ABTB3: variants seen among roughly 807,000 people sequenced by gnomAD.
ABTB3 encodes the protein ankyrin repeat- and BTB/POZ domain-containing protein 3.
chr12:107,321,843 C>T, the ABTB3 span, among the ~76,000 whole-genome samples: 1 of 152,148 alleles, frequency 6.6e-6, no homozygotes, highest in Non-Finnish European at 1.5e-5. Context: ...CTTTGCTGCC[C>T]CTGACTCCCA....
the ABTB3 span, among the ~76,000 whole-genome samples, chr12:107,437,049 G>A: frequency 5.9e-5 from 9 of 152,154 alleles, no homozygotes; most frequent in Admixed American, 3.9e-4. Flanking sequence ...TGAACTCCTA[G>A]GGGCCCATGG....
chr12:107,644,737 A>G, the ABTB3 span, among the ~76,000 whole-genome samples: 2 of 151,946 alleles, frequency 1.3e-5, no homozygotes, highest in Middle Eastern at 3.2e-3. Flanking sequence ...CCCACCCTTT[A>G]CCCTCAAGCA....
At chr12:107,319,777 T>A in the ABTB3 span, 1 of 1,458,946 alleles carries the variant, frequency 6.9e-7, no homozygotes, top group Non-Finnish European at 9.1e-7. Context: ...CGGGCCCTGG[T>A]GCGGCCCCCG....
chr12:107,494,346 C>T, the ABTB3 span, among the ~76,000 whole-genome samples: 11 of 152,248 alleles, frequency 7.2e-5, no homozygotes, highest in African/African-American at 2.2e-4. Context: ...ACAGAAGAGC[C>T]GGGACCTTCC....
At chr12:107,600,423 T>C in the ABTB3 span, among the ~76,000 whole-genome samples, 1 of 152,242 alleles carries the variant, frequency 6.6e-6, no homozygotes, top group Non-Finnish European at 1.5e-5. Flanking sequence ...CTATAGTGTG[T>C]TGGGAAAGCT....
At chr12:107,336,098 G>T in the ABTB3 span, among the ~76,000 whole-genome samples, 1 of 152,210 alleles carries the variant, frequency 6.6e-6, no homozygotes, top group South Asian at 2.1e-4. Context: ...TGGGAGCAGA[G>T]GTAGAACTCA....
the ABTB3 span, among the ~76,000 whole-genome samples, chr12:107,363,042 T>G: frequency 4.6e-5 from 7 of 152,154 alleles, no homozygotes; most frequent in Non-Finnish European, 1.0e-4. Context: ...CCTCCCCGTA[T>G]CAGCATCACC....
At chr12:107,475,632 G>T in the ABTB3 span, among the ~76,000 whole-genome samples, 1 of 152,122 alleles carries the variant, frequency 6.6e-6, no homozygotes, top group South Asian at 2.1e-4. Context: ...AGCTTCTCTG[G>T]GCTCAGCTGA....
the ABTB3 span, among the ~76,000 whole-genome samples, chr12:107,616,262 C>G: frequency 1.3e-5 from 2 of 152,190 alleles, no homozygotes; most frequent in Non-Finnish European, 1.5e-5. Context: ...CAAAGCCACA[C>G]AGAAGTCAGG....
the ABTB3 span, chr12:107,657,749 A>G: frequency 1.1e-4 from 178 of 1,606,446 alleles, 2 homozygotes; most frequent in Admixed American, 5.5e-4. Context: ...CTTCCCGGGA[A>G]CTTTCCAGTT....
the ABTB3 span, among the ~76,000 whole-genome samples, chr12:107,389,042 T>C: frequency 6.6e-6 from 1 of 152,228 alleles, no homozygotes; most frequent in South Asian, 2.1e-4. Flanking sequence ...TTAATTTCCT[T>C]TTTCAAAGAA....
At chr12:107,348,081 A>G in the ABTB3 span, among the ~76,000 whole-genome samples, 1 of 152,072 alleles carries the variant, frequency 6.6e-6, no homozygotes, top group Non-Finnish European at 1.5e-5. Context: ...AGAGAATTGC[A>G]GGTGGGAAGG....
chr12:107,563,810 T>C, the ABTB3 span, among the ~76,000 whole-genome samples: 1 of 152,118 alleles, frequency 6.6e-6, no homozygotes, highest in Non-Finnish European at 1.5e-5. Context: ...CACAGTGTAT[T>C]CCCAAAATGC....
chr12:107,637,997 G>A, the ABTB3 span, among the ~76,000 whole-genome samples: 1 of 152,074 alleles, frequency 6.6e-6, no homozygotes, highest in African/African-American at 2.4e-5. Context: ...CAGAGAGAAA[G>A]TCAAGTGAAG....
At chr12:107,633,468 C>T in the ABTB3 span, among the ~76,000 whole-genome samples, 4 of 152,148 alleles carry the variant, frequency 2.6e-5, no homozygotes, top group Admixed American at 6.5e-5. Context: ...TGTAAAGTAA[C>T]GTGTTCATGG....
the ABTB3 span, among the ~76,000 whole-genome samples, chr12:107,632,709 C>T: frequency 6.6e-6 from 1 of 152,172 alleles, no homozygotes; most frequent in African/African-American, 2.4e-5. Context: ...ATCTCAAGGG[C>T]AAAATCAAGG....
chr12:107,484,829 G>A, the ABTB3 span, among the ~76,000 whole-genome samples: 1 of 152,188 alleles, frequency 6.6e-6, no homozygotes, highest in South Asian at 2.1e-4. Flanking sequence ...TTTGCTGATG[G>A]ATTAGATGTG....
chr12:107,433,940 C>A, the ABTB3 span, among the ~76,000 whole-genome samples: 1 of 152,190 alleles, frequency 6.6e-6, no homozygotes, highest in African/African-American at 2.4e-5. Flanking sequence ...CCTGCCCTCA[C>A]ATGGTGGAAG....
the ABTB3 span, among the ~76,000 whole-genome samples, chr12:107,395,556 A>T: frequency 6.6e-6 from 1 of 152,206 alleles, no homozygotes; most frequent in Non-Finnish European, 1.5e-5. Context: ...GAGGTGCACC[A>T]TCTGTTCCAA....
Sources: allele counts gnomAD v4.1 joint callset (sites outside exome capture counted in the v4.1 genomes callset), GRCh38; gene constraint gnomAD v4.1.1; transcripts MANE v1.5; gene names NCBI Gene and HGNC (gene_info 2026-07-23, HGNC 2026-07-21).